GGT7: variants seen among roughly 807,000 people sequenced by gnomAD.
GGT7 encodes the protein glutathione hydrolase 7.
In GGT7, 30 loss-of-function variants were observed where a neutral mutation model predicts 69.2. That is an observed-to-expected ratio of 0.43 (90% CI 0.32 to 0.59). The LOEUF is 0.59. GGT7 is among the 20% of genes least tolerant of loss of function. The probability of loss-of-function intolerance (pLI) is 0.05; values close to 1 mark genes in which losing one functional copy is unlikely to be tolerated. For missense variants in GGT7, 733 were observed against 901.1 expected (o/e 0.81, Z 2.39); for synonymous variants, 388 against 391.8 (o/e 0.99, Z 0.12).
rs200997506 is a variant in GGT7, at chr20:34,853,561, C to CA, written c.1319+969dup. 7.6e-3 allele frequency among the ~76,000 whole-genome samples: 852 copies of CA among 112,396 alleles called. 6 individuals carry two copies. Among genetic ancestry groups the CA allele is most frequent in the South Asian group, 0.014 (50 of 3,616 alleles). The allele number at this position is 112,396 out of a possible 152,430, so 73.7% of individuals were successfully genotyped here. A position where few individuals can be genotyped will look rare whatever the true frequency, so the allele number is the denominator to read the frequency against. On this transcript the variant is annotated intron_variant, in intron 10 of 14. Coordinates refer to ENST00000336431, the MANE Select transcript of GGT7 (RefSeq NM_178026.3). ...TGGGCGACAGAGCGAGACTCCATCT[C>CA]AAAAAAAAAAAAAAAAAATTCAACT... is the stretch of plus-strand genomic sequence containing the variant.
intron 7 of GGT7, among the ~76,000 whole-genome samples, chr20:34,858,647 C>T (rs2079533257): frequency 6.6e-6 from 1 of 152,196 alleles, no homozygotes; most frequent in Non-Finnish European, 1.5e-5. Flanking sequence ...GAGACTGGGA[C>T]TCTTTGGGAT....
intron 6 of GGT7, 57 bp downstream of exon 6, chr20:34,859,912 G>A: frequency 1.6e-6 from 2 of 1,246,014 alleles, no homozygotes; most frequent in Non-Finnish European, 2.3e-6. Flanking sequence ...AAATCTCAAA[G>A]ATTCTACCCT....
Position 34,872,843 on chromosome 20 carries a change from C to A in GGT7, c.-28G>T. The A allele has an allele frequency of 1.5e-6, 2 of 1,320,076 alleles. No homozygotes were observed. The allele number at this position is 1,320,076 out of a possible 1,614,324, so 81.8% of individuals were successfully genotyped here. On this transcript the variant is annotated 5_prime_UTR_variant, in exon 1 of 15. Transcript: ENST00000336431. Reference sequence around the variant, plus strand: ...TCGCCCGCGCCCCCCAGCAGCGCAGCGCCTGCCGGAAGTGGCTGCGGCGGG... The same window carrying A: ...TCGCCCGCGCCCCCCAGCAGCGCAGAGCCTGCCGGAAGTGGCTGCGGCGGG...
intron 13 of GGT7, chr20:34,850,939 C>T (rs984815956): frequency 1.5e-6 from 1 of 671,708 alleles, no homozygotes; most frequent in Non-Finnish European, 2.8e-6. Flanking sequence ...TATAATGGGA[C>T]TTGAGGTTAA....
chr20:34,870,226 A>G (rs752022444), intron 1 of GGT7, among the ~76,000 whole-genome samples: 2 of 152,224 alleles, frequency 1.3e-5, no homozygotes, highest in Non-Finnish European at 2.9e-5. Context: ...CAAACCTGAC[A>G]CATAAATTTG....
chr20:34,849,430 C>T (rs893338695), intron 14 of GGT7, among the ~76,000 whole-genome samples: 14 of 152,106 alleles, frequency 9.2e-5, no homozygotes, highest in Non-Finnish European at 1.6e-4. Flanking sequence ...CTCACCTCAG[C>T]CTGGGATTAT....
Position 34,861,494 on chromosome 20 carries a change from G to A in GGT7, c.626C>T (p.Ala209Val), listed in dbSNP as rs748869815. The part of the protein sequence containing the change: ...ESHLIDFRES[A>V]PGALREETLQ... The stretch of plus-strand genomic sequence containing the variant: ...GGTCTCTTCCCTGAGGGCCCCTGGT[G>A]CGGACTCCCGGAAATCAATTAGGTG... The change falls in exon 4 of 15, where the codon GCA becomes GTA. Residue 209 changes from alanine (A) to valine (V), a missense_variant. Transcript: ENST00000336431. 2 of 1,551,398 alleles carry A rather than the reference G, an allele frequency of 1.3e-6. No individual in the cohort carries two copies. Among genetic ancestry groups the A allele is most frequent in the Non-Finnish European group, 8.8e-7 (1 of 1,138,408 alleles).
rs772215890 is a variant in GGT7, at chr20:34,852,292, T to G, written c.1470-20A>C. On this transcript the variant is annotated intron_variant, in intron 11 of 14. Coordinates refer to ENST00000336431, the MANE Select transcript of GGT7 (RefSeq NM_178026.3). Reference sequence around the variant, plus strand: ...AGGGAGCTGGGGGCCGAGGTGGGGTTGGGTGAGCCCTGGCCCATCCTCACC... The same window carrying G: ...AGGGAGCTGGGGGCCGAGGTGGGGTGGGGTGAGCCCTGGCCCATCCTCACC... The G allele has an allele frequency of 3.2e-5, 52 of 1,603,450 alleles. No individual in the cohort carries two copies. The highest frequency in any genetic ancestry group is 4.4e-5 in the Non-Finnish European group (51 of 1,170,246).
chr20:34,866,065 A>C (rs1012101872), intron 1 of GGT7, among the ~76,000 whole-genome samples: 2 of 152,232 alleles, frequency 1.3e-5, no homozygotes, highest in Non-Finnish European at 2.9e-5. Context: ...CATAATAAAC[A>C]TCTAAGCTCC....
chr20:34,852,088 G>A, intron 12 of GGT7, 67 bp downstream of exon 12: 1 of 931,566 alleles, frequency 1.1e-6, no homozygotes, highest in Admixed American at 1.7e-5. Flanking sequence ...GAAAGGGGCA[G>A]CCATGCCATT....
chr20:34,862,500 T>C (rs774799235), intron 3 of GGT7, among the ~76,000 whole-genome samples: 10 of 151,888 alleles, frequency 6.6e-5, no homozygotes, highest in Admixed American at 1.3e-4. Flanking sequence ...ATCCTAGAAG[T>C]TGAAATATCT....
chr20:34,871,728 G>A (rs1194982546), intron 1 of GGT7, among the ~76,000 whole-genome samples: 1 of 152,240 alleles, frequency 6.6e-6, no homozygotes, highest in Non-Finnish European at 1.5e-5. Context: ...TGCAGGCACT[G>A]CGAGGAAGCG....
Position 34,860,165 on chromosome 20 carries a change from G to T in GGT7, c.743+89C>A. The T allele has an allele frequency of 2.8e-6, 3 of 1,087,006 alleles. No individual in the cohort carries two copies. In the Middle Eastern group the frequency reaches 5.9e-4, roughly 215 times the overall value. 67.3% of individuals were successfully genotyped at this position (1,087,006 alleles called of 1,614,324 possible). On this transcript the variant is annotated intron_variant, in intron 5 of 14. Coordinates refer to ENST00000336431, the MANE Select transcript of GGT7 (RefSeq NM_178026.3). ...GAAGGGGATATTAGGAGGGGGAGTT[G>T]GGAAAGGAAGAATCCAGGGAAGTAG... is the stretch of plus-strand genomic sequence containing the variant.
Position 34,861,581 on chromosome 20 carries a change from G to C in GGT7, c.558-19C>G, listed in dbSNP as rs970113200. 1.4e-6 allele frequency: 2 copies of C among 1,385,604 alleles called. No individual in the cohort carries two copies. The allele number at this position is 1,385,604 out of a possible 1,614,324, so 85.8% of individuals were successfully genotyped here. ...GCCCCCACTGGGAGAGACACAGAAG[G>C]GGAAGTGTGATGATAACATGCTACC... is the stretch of plus-strand genomic sequence containing the variant. On this transcript the variant is annotated intron_variant, in intron 3 of 14. Coordinates refer to ENST00000336431, the MANE Select transcript of GGT7 (RefSeq NM_178026.3).
At chr20:34,858,494 A>G (rs1306873235) in intron 7 of GGT7, among the ~76,000 whole-genome samples, 1 of 152,170 alleles carries the variant, frequency 6.6e-6, no homozygotes, top group African/African-American at 2.4e-5. Flanking sequence ...AATTCCCACA[A>G]CTGTATGGCA....
rs140710999 is a variant in GGT7 at position 34,863,899 on chromosome 20, T to C, written c.170-351A>G. ...CAGTGGAAATCGGATCCTGCCCCAGTTGGGGCCCAGCCTTCCATGCAAGGA... is the reference window on the plus strand; with the variant it reads ...CAGTGGAAATCGGATCCTGCCCCAGCTGGGGCCCAGCCTTCCATGCAAGGA... On this transcript the variant is annotated intron_variant, in intron 1 of 14. Coordinates refer to ENST00000336431, the MANE Select transcript of GGT7 (RefSeq NM_178026.3). The surrounding 1 kb of genome is among the most constrained non-coding windows in gnomAD (Gnocchi z 4.4). Among the ~76,000 whole-genome samples the C allele has an allele frequency of 2.2e-4, 33 of 152,276 alleles. No individual in the cohort carries two copies. The highest frequency in any genetic ancestry group is 3.5e-4 in the Non-Finnish European group (24 of 68,016).
intron 14 of GGT7, 147 bp from the exon 15 acceptor site, chr20:34,845,638 G>A: frequency 1.5e-6 from 1 of 676,848 alleles, no homozygotes. Flanking sequence ...CTGAGCCTCA[G>A]TTTCCTCATG....
chr20:34,859,882 G>T, intron 6 of GGT7, 87 bp downstream of exon 6: 1 of 983,500 alleles, frequency 1.0e-6, no homozygotes, highest in Non-Finnish European at 1.6e-6. Flanking sequence ...GGAAGAGAGG[G>T]CCTCTCTGGC....
chr20:34,846,806 C>T (rs1318350771), intron 14 of GGT7, among the ~76,000 whole-genome samples: 2 of 152,166 alleles, frequency 1.3e-5, no homozygotes, highest in Non-Finnish European at 2.9e-5. Flanking sequence ...TTCCTCCCCT[C>T]ATTTCCTTCT....
Sources: gnomAD v4.1 joint callset for allele counts (sites outside exome capture counted in the v4.1 genomes callset) on GRCh38, gnomAD v4.1.1 for gene constraint, Gnocchi (gnomAD v3.1) non-coding constraint, MANE v1.5 for transcripts, NCBI Gene and HGNC (gene_info 2026-07-23, HGNC 2026-07-21) for gene names.